Variants in CKMT2 observed in about 807,000 individuals in gnomAD.
CKMT2 encodes creatine kinase S-type, mitochondrial.
CKMT2 carries 43 observed loss-of-function variants against 48.9 expected under a neutral mutation model. The observed-to-expected ratio is 0.88, with a 90% CI of 0.69 to 1.13. CKMT2 has a LOEUF of 1.13. Ranked by LOEUF, CKMT2 falls within the 50% of genes most tolerant of loss-of-function variation. CKMT2 has a pLI of 0.00. For missense variants in CKMT2, 472 were observed against 555.4 expected (o/e 0.85, Z 1.51); for synonymous variants, 206 against 213.0 (o/e 0.97, Z 0.29).
At chr5:81,243,874 G>A (rs1756519898) in intron 1 of CKMT2, among the ~76,000 whole-genome samples, 1 of 152,156 alleles carries the variant, frequency 6.6e-6, no homozygotes, top group Admixed American at 6.5e-5. Flanking sequence ...TGTATTTTTA[G>A]TAGAGACAGG....
chr5:81,256,033 G>A (rs1276621621), intron 5 of CKMT2, among the ~76,000 whole-genome samples: 4 of 152,164 alleles, frequency 2.6e-5, no homozygotes, highest in Non-Finnish European at 5.9e-5. Context: ...CCTGGCTGAA[G>A]TCTCTGATCT....
chr5:81,241,868 G>T (rs1484885618), intron 1 of CKMT2, among the ~76,000 whole-genome samples: 1 of 152,042 alleles, frequency 6.6e-6, no homozygotes, highest in Non-Finnish European at 1.5e-5. Flanking sequence ...AATTTCTGGG[G>T]TGGGAGGAAA....
chr5:81,263,698 T>C (rs985338635), intron 9 of CKMT2, 82 bp downstream of exon 9: 3 of 1,377,282 alleles, frequency 2.2e-6, no homozygotes, highest in Admixed American at 2.2e-5. Flanking sequence ...GCCTAGCCGT[T>C]TTCACAAAAT....
At chr5:81,255,649 T>C (rs1430513556) in intron 5 of CKMT2, among the ~76,000 whole-genome samples, 1 of 152,158 alleles carries the variant, frequency 6.6e-6, no homozygotes, top group Non-Finnish European at 1.5e-5. Flanking sequence ...GCCCTGACTC[T>C]TGTGGAGCAA....
In CKMT2 at chr5:81,240,664, T is replaced by C. The variant is rs144980080; in HGVS notation, c.-21+7287T>C. 1.1e-4 allele frequency among the ~76,000 whole-genome samples: 17 copies of C among 152,302 alleles called. No individual in the cohort carries two copies. In the East Asian group the frequency reaches 2.5e-3, roughly 22 times the overall value. ...TGAGTGCCTGGTGCAGAACAGACAC[T>C]CGATACATATGATTTCCCTTTAGCT... On this transcript the variant is annotated intron_variant, in intron 1 of 9. Transcript: ENST00000254035.
chr5:81,255,215 G>A lies in CKMT2; in HGVS notation c.669+1G>A. ...GCAGGACCAGCAGCGGCTCATCGAT[G>A]TGAGTAGCAGATGGGGCTCCCTGGG... On this transcript the variant is annotated splice_donor_variant, in intron 5 of 9. Coordinates refer to ENST00000254035, the MANE Select transcript of CKMT2 (RefSeq NM_001099735.2). LOFTEE classifies it high-confidence loss of function. 6.2e-7 allele frequency: 1 copy of A among 1,613,670 alleles called. No individual in the cohort carries two copies.
chr5:81,237,317 G>T (rs1293833106), intron 1 of CKMT2, among the ~76,000 whole-genome samples: 1 of 152,120 alleles, frequency 6.6e-6, no homozygotes, highest in Admixed American at 6.5e-5. Flanking sequence ...TTTATTCAGT[G>T]CCTACTGCAG....
chr5:81,237,861 T>G (rs1449474833), intron 1 of CKMT2: 3 of 152,168 alleles, frequency 2.0e-5, no homozygotes, highest in African/African-American at 4.8e-5. Flanking sequence ...GGCCTCCAGG[T>G]AAGTGGAGGC....
At chr5:81,264,191 G>A (rs760328547) in intron 9 of CKMT2, among the ~76,000 whole-genome samples, 15 of 152,172 alleles carry the variant, frequency 9.9e-5, no homozygotes, top group Non-Finnish European at 1.9e-4. Context: ...GGATGAAAAG[G>A]ATTCATAGAC....
chr5:81,254,314 A>G (rs979558978), intron 3 of CKMT2, 82 bp from the exon 4 acceptor site: 1 of 1,220,206 alleles, frequency 8.2e-7, no homozygotes, highest in African/African-American at 1.5e-5. Context: ...GGCTTTTAAG[A>G]TACAAGGGGC....
chr5:81,239,246 C>A (rs1756353122), intron 1 of CKMT2: 1 of 152,192 alleles, frequency 6.6e-6, no homozygotes, highest in Admixed American at 6.5e-5. Flanking sequence ...TCAGTCCTAG[C>A]TTAATTCAAC....
chr5:81,255,904 CA>C (rs933526446), intron 5 of CKMT2, among the ~76,000 whole-genome samples: 12 of 151,572 alleles, frequency 7.9e-5, no homozygotes, highest in African/African-American at 2.4e-4. Context: ...CCAAACCAGA[CA>C]GGCCAACTAT....
At chr5:81,255,397 T>C (rs1208344864) in intron 5 of CKMT2, among the ~76,000 whole-genome samples, 183 bp downstream of exon 5, 4 of 152,194 alleles carry the variant, frequency 2.6e-5, no homozygotes, top group African/African-American at 4.8e-5. Context: ...AGGCCACACA[T>C]TGTACTTGTC....
intron 7 of CKMT2, 110 bp downstream of exon 7, chr5:81,257,966 T>C: frequency 8.9e-7 from 1 of 1,125,762 alleles, no homozygotes; most frequent in East Asian, 2.7e-5. Flanking sequence ...AATTTTTTTC[T>C]AGAAATCAAA....
At chr5:81,250,982 A>ACACACACAC (rs1554045839) in intron 1 of CKMT2, 131 bp from the exon 2 acceptor site, 7 of 415,378 alleles carry the variant, frequency 1.7e-5, no homozygotes, top group Admixed American at 8.0e-5. Context: ...CACACACAGA[A>ACACACACAC]AGAGAGAGAG....
intron 1 of CKMT2, among the ~76,000 whole-genome samples, chr5:81,240,155 G>C (rs1422026588): frequency 6.6e-6 from 1 of 152,116 alleles, no homozygotes; most frequent in Non-Finnish European, 1.5e-5. Flanking sequence ...CTGGAAGCCT[G>C]TAGTGAGTGG....
intron 7 of CKMT2, among the ~76,000 whole-genome samples, chr5:81,258,918 A>C (rs745646753): frequency 2.0e-5 from 3 of 152,228 alleles, no homozygotes; most frequent in Non-Finnish European, 4.4e-5. Context: ...CCACTGCTTT[A>C]CATGGTTCAT....
intron 1 of CKMT2, chr5:81,245,323 G>A (rs1169055572): frequency 2.6e-5 from 4 of 152,222 alleles, no homozygotes; most frequent in African/African-American, 7.2e-5. Flanking sequence ...TCAGACAGGT[G>A]TGCGTTCAAA....
intron 1 of CKMT2, chr5:81,239,416 G>C (rs893718760): frequency 2.8e-4 from 42 of 152,248 alleles, no homozygotes; most frequent in African/African-American, 1.0e-3. Context: ...CAGCATTCAA[G>C]GGCAGGCTAA....
Sources: allele counts gnomAD v4.1 joint callset (sites outside exome capture counted in the v4.1 genomes callset), GRCh38; gene constraint gnomAD v4.1.1; transcripts MANE v1.5; gene names NCBI Gene and HGNC (gene_info 2026-07-23, HGNC 2026-07-21).